AASS: variants seen among roughly 807,000 people sequenced by gnomAD.
The protein encoded by AASS is alpha-aminoadipic semialdehyde synthase, mitochondrial.
AASS carries 86 observed loss-of-function variants against 105.4 expected under a neutral mutation model. The ratio of observed to expected loss-of-function variants is 0.82; its 90% CI spans 0.69 to 0.98. The LOEUF is 0.98. Ranked by LOEUF, AASS falls within the 50% of genes least tolerant of loss-of-function variation. The pLI is 0.00. For synonymous variants in AASS, 381 were observed against 394.8 expected (o/e 0.96, Z 0.41); for missense variants, 1,048 against 1,143.2 (o/e 0.92, Z 1.20).
At position 122,116,861 on chromosome 7, in the gene AASS, T is replaced by A. The variant is rs368939605; in HGVS notation, c.766+18A>T. 7 of 1,613,026 alleles carry A rather than the reference T, an allele frequency of 4.3e-6. No individual in the cohort carries two copies. The highest frequency in any genetic ancestry group is 4.2e-6 in the Non-Finnish European group (5 of 1,179,154). On this transcript the variant is annotated intron_variant, in intron 7 of 23. Coordinates refer to ENST00000417368, the MANE Select transcript of AASS (RefSeq NM_005763.4). The stretch of plus-strand genomic sequence containing the variant: ...GACTGTTAAAAACATTAAAAGTTAG[T>A]CATCTCCTGTCCCTTACCTCCAGTT...
At chr7:122,083,635 T>C (rs1178105368) in intron 19 of AASS, among the ~76,000 whole-genome samples, 1 of 152,052 alleles carries the variant, frequency 6.6e-6, no homozygotes, top group Non-Finnish European at 1.5e-5. Flanking sequence ...TACAGTATTA[T>C]ATTAATAGGT....
intron 20 of AASS, among the ~76,000 whole-genome samples, chr7:122,081,012 T>G (rs1165042406): frequency 6.6e-6 from 1 of 152,158 alleles, no homozygotes; most frequent in African/African-American, 2.4e-5. Flanking sequence ...GCCTTAAGGT[T>G]TTGGTACAAC....
intron 1 of AASS, among the ~76,000 whole-genome samples, chr7:122,139,245 TA>T (rs1796280305): frequency 6.6e-6 from 1 of 152,146 alleles, no homozygotes. Flanking sequence ...TCTCTTTAAT[TA>T]AAAAAATATT....
chr7:122,098,871 TTAA>T lies in AASS; in HGVS notation c.1407-8_1407-6del. The T allele has an allele frequency of 2.9e-6, 4 of 1,371,604 alleles. No homozygotes were observed. Among genetic ancestry groups the T allele is most frequent in the South Asian group, 1.5e-5 (1 of 65,460 alleles). 85.0% of individuals were successfully genotyped at this position (1,371,604 alleles called of 1,614,324 possible). ...GAAAGTGACTGAGCACGTTCCCTATTTAAAAAAAAAAAAAAAAAAAAAAAAGGG... is the reference window on the plus strand; with the variant it reads ...GAAAGTGACTGAGCACGTTCCCTATTAAAAAAAAAAAAAAAAAAAAAAGGG... On this transcript the variant is annotated splice_region_variant and splice_polypyrimidine_tract_variant and intron_variant, in intron 13 of 23. Coordinates refer to ENST00000417368, the MANE Select transcript of AASS (RefSeq NM_005763.4).
Position 122,076,384 on chromosome 7 carries a change from A to C in AASS, c.*105T>G. On this transcript the variant is annotated 3_prime_UTR_variant, in exon 24 of 24. Transcript: ENST00000417368. ...AAAAGTACATTGTGTTAACCAAAAC[A>C]TATTATGCTTTATACTTTAAAACAG... 1 of 818,530 alleles carries C rather than the reference A, an allele frequency of 1.2e-6. No individual in the cohort carries two copies. The highest frequency in any genetic ancestry group is 2.2e-6 in the Non-Finnish European group (1 of 464,944). The allele number at this position is 818,530 out of a possible 1,614,324, so 50.7% of individuals were successfully genotyped here.
intron 3 of AASS, among the ~76,000 whole-genome samples, chr7:122,128,483 C>A (rs1795758827): frequency 6.6e-6 from 1 of 152,180 alleles, no homozygotes; most frequent in Non-Finnish European, 1.5e-5. Flanking sequence ...TCATCACCTC[C>A]CAGTGCCCAG....
chr7:122,093,668 A>G (rs1290541672), intron 15 of AASS, among the ~76,000 whole-genome samples: 1 of 151,968 alleles, frequency 6.6e-6, no homozygotes, highest in Non-Finnish European at 1.5e-5. Context: ...AAATTGGCCC[A>G]GCATGTTGGC....
At chr7:122,091,039 A>G (rs1310730370) in intron 18 of AASS, among the ~76,000 whole-genome samples, 3 of 152,080 alleles carry the variant, frequency 2.0e-5, no homozygotes, top group Non-Finnish European at 4.4e-5. Flanking sequence ...AATTATAATT[A>G]CTTATTCCCA....
At chr7:122,117,075 AC>A in intron 6 of AASS, 118 bp from the exon 7 acceptor site, 1 of 887,040 alleles carries the variant, frequency 1.1e-6, no homozygotes, top group Non-Finnish European at 1.8e-6. Flanking sequence ...CTTCCCTACA[AC>A]CAGGACTGCA....
At chr7:122,105,295 C>G (rs1463420484) in intron 11 of AASS, among the ~76,000 whole-genome samples, 1 of 151,986 alleles carries the variant, frequency 6.6e-6, no homozygotes, top group Non-Finnish European at 1.5e-5. Context: ...GACTTCAATA[C>G]CCCTCTTTCA....
At chr7:122,092,453 T>G (rs1793949033) in intron 17 of AASS, among the ~76,000 whole-genome samples, 1 of 152,126 alleles carries the variant, frequency 6.6e-6, no homozygotes, top group Admixed American at 6.6e-5. Context: ...TGGATATTTT[T>G]GCAGTTATAA....
At chr7:122,143,061 GATT>G (rs1796474721) in intron 1 of AASS, among the ~76,000 whole-genome samples, 2 of 152,122 alleles carry the variant, frequency 1.3e-5, no homozygotes, top group African/African-American at 4.8e-5. Context: ...TGTAGCCCTA[GATT>G]CACTCATCTT....
At chr7:122,095,062 C>T (rs1172659194) in intron 15 of AASS, among the ~76,000 whole-genome samples, 2 of 152,180 alleles carry the variant, frequency 1.3e-5, no homozygotes, top group African/African-American at 2.4e-5. Context: ...GATATCCTTC[C>T]TCTGCATGCA....
intron 4 of AASS, among the ~76,000 whole-genome samples, chr7:122,122,171 T>G (rs1795468745): frequency 6.6e-6 from 1 of 152,202 alleles, no homozygotes; most frequent in Non-Finnish European, 1.5e-5. Context: ...TATTTTTGGC[T>G]TGGGGTTTAT....
chr7:122,144,222 G>T lies in AASS; in HGVS notation c.-77C>A. On this transcript the variant is annotated 5_prime_UTR_variant, in exon 1 of 24. Transcript: ENST00000417368. Reference sequence around the variant, plus strand: ...CCTCGAATCTTCCGAGTCGCTGCAGGGGAGGCTCCGAATTCCTAGAAGAAA... The same window carrying T: ...CCTCGAATCTTCCGAGTCGCTGCAGTGGAGGCTCCGAATTCCTAGAAGAAA... 1 of 152,580 alleles carries T rather than the reference G, an allele frequency of 6.6e-6. No individual in the cohort carries two copies. The allele number at this position is 152,580 out of a possible 1,614,324, so 9.5% of individuals were successfully genotyped here. A position where few individuals can be genotyped will look rare whatever the true frequency, so the allele number is the denominator to read the frequency against.
intron 18 of AASS, among the ~76,000 whole-genome samples, chr7:122,086,692 T>C (rs1214167022): frequency 1.3e-5 from 2 of 152,258 alleles, no homozygotes; most frequent in East Asian, 1.9e-4. Context: ...CAACAATCAA[T>C]ATTCTCATTC....
chr7:122,108,941 T>G (rs1019969199), intron 11 of AASS, among the ~76,000 whole-genome samples: 2 of 152,086 alleles, frequency 1.3e-5, no homozygotes, highest in Non-Finnish European at 2.9e-5. Context: ...CTGTTGGAAC[T>G]GATAAATTTA....
At chr7:122,104,180 A>T (rs190701786) in intron 11 of AASS, among the ~76,000 whole-genome samples, 1 of 152,252 alleles carries the variant, frequency 6.6e-6, no homozygotes, top group South Asian at 2.1e-4. Flanking sequence ...ATGGATTAAA[A>T]AAACAAAGCT....
chr7:122,102,489 G>C (rs1794478383), intron 11 of AASS, among the ~76,000 whole-genome samples: 1 of 151,898 alleles, frequency 6.6e-6, no homozygotes, highest in South Asian at 2.1e-4. Flanking sequence ...GAGCCAATGA[G>C]ACAATCTTTC....
Sources: gnomAD v4.1 joint callset for allele counts (sites outside exome capture counted in the v4.1 genomes callset) on GRCh38, gnomAD v4.1.1 for gene constraint, MANE v1.5 for transcripts, NCBI Gene and HGNC (gene_info 2026-07-23, HGNC 2026-07-21) for gene names.